ENPP6: variants seen among roughly 807,000 people sequenced by gnomAD.
ENPP6 encodes the protein glycerophosphocholine cholinephosphodiesterase ENPP6.
A neutral mutation model predicts 42.0 loss-of-function variants in ENPP6; 32 were observed. The observed-to-expected ratio is 0.76, with a 90% CI of 0.58 to 1.02. The LOEUF (loss-of-function observed/expected upper bound fraction) is 1.02, where lower values mean the gene tolerates loss of function less well. Among genes scored for constraint, ENPP6 ranks in the 50% least tolerant of loss-of-function variants. The pLI is 0.00. For missense variants in ENPP6, 552 were observed against 566.8 expected, an observed-to-expected ratio of 0.97 and a Z score of 0.27; for synonymous variants, 213 against 216.0, an observed-to-expected ratio of 0.99 and a Z score of 0.12.
At chr4:184,159,123 G>T (rs1921568) in intron 1 of ENPP6, among the ~76,000 whole-genome samples, 41,563 of 151,994 alleles carry the variant, frequency 0.27, 6,115 homozygotes, top group African/African-American at 0.32. Context: ...CATTATCTCC[G>T]ATTGTATCAT....
chr4:184,176,176 G>T (rs1737559043), intron 1 of ENPP6, among the ~76,000 whole-genome samples: 1 of 152,184 alleles, frequency 6.6e-6, no homozygotes, highest in Non-Finnish European at 1.5e-5. Flanking sequence ...AGGTCTTGTA[G>T]TTGGTAAGTG....
At chr4:184,176,819 C>T (rs1464669930) in intron 1 of ENPP6, among the ~76,000 whole-genome samples, 1 of 152,214 alleles carries the variant, frequency 6.6e-6, no homozygotes, top group African/African-American at 2.4e-5. Context: ...CCTGAAGGCG[C>T]TCATACAGAA....
intron 2 of ENPP6, among the ~76,000 whole-genome samples, chr4:184,137,628 T>G (rs1736751555): frequency 6.6e-6 from 1 of 152,244 alleles, no homozygotes; most frequent in African/African-American, 2.4e-5. Flanking sequence ...TGTCAAGGAT[T>G]AAGATGATTT....
At chr4:184,109,075 G>T (rs1736154879) in intron 6 of ENPP6, among the ~76,000 whole-genome samples, 1 of 152,186 alleles carries the variant, frequency 6.6e-6, no homozygotes. Context: ...GCTGGGCAGG[G>T]TGGTGGGCAC....
intron 5 of ENPP6, among the ~76,000 whole-genome samples, chr4:184,113,562 T>C (rs1736249424): frequency 6.6e-6 from 1 of 152,180 alleles, no homozygotes; most frequent in Non-Finnish European, 1.5e-5. Flanking sequence ...CATGCTCTAA[T>C]ATTATGTCAA....
intron 3 of ENPP6, among the ~76,000 whole-genome samples, chr4:184,123,280 C>T (rs543937027): frequency 3.3e-5 from 5 of 152,186 alleles, no homozygotes; most frequent in African/African-American, 7.2e-5. Context: ...TCATGTGGCT[C>T]GTGCTAGTGC....
chr4:184,183,342 G>A (rs1460600212), intron 1 of ENPP6, among the ~76,000 whole-genome samples: 1 of 152,192 alleles, frequency 6.6e-6, no homozygotes, highest in Non-Finnish European at 1.5e-5. Flanking sequence ...TGATGGAGTA[G>A]GTTAAACATG....
intron 1 of ENPP6, among the ~76,000 whole-genome samples, chr4:184,204,561 A>T (rs1273712347): frequency 6.6e-6 from 1 of 152,080 alleles, no homozygotes; most frequent in African/African-American, 2.4e-5. Flanking sequence ...GATCTTCACT[A>T]CAAGGAGGCT....
intron 2 of ENPP6, among the ~76,000 whole-genome samples, chr4:184,149,665 G>A (rs1018590498): frequency 2.6e-5 from 4 of 152,170 alleles, no homozygotes; most frequent in African/African-American, 9.7e-5. Context: ...AGATAACATT[G>A]CAAAATGCAT....
chr4:184,162,000 A>G (rs548269098), intron 1 of ENPP6, among the ~76,000 whole-genome samples: 1 of 152,248 alleles, frequency 6.6e-6, no homozygotes, highest in African/African-American at 2.4e-5. Context: ...TATGTAACCA[A>G]ACCCACCTGT....
intron 1 of ENPP6, among the ~76,000 whole-genome samples, chr4:184,185,363 G>A (rs111658095): frequency 2.0e-5 from 3 of 152,040 alleles, no homozygotes; most frequent in Non-Finnish European, 2.9e-5. Context: ...AACATCCCAC[G>A]GGCAACATCT....
intron 6 of ENPP6, among the ~76,000 whole-genome samples, chr4:184,107,066 C>T (rs748085743): frequency 6.6e-6 from 1 of 152,154 alleles, no homozygotes; most frequent in Non-Finnish European, 1.5e-5. Flanking sequence ...GACAACCCAA[C>T]CTGCCCCAGG....
At chr4:184,163,178 CA>C in intron 1 of ENPP6, among the ~76,000 whole-genome samples, 1 of 152,334 alleles carries the variant, frequency 6.6e-6, no homozygotes, top group East Asian at 1.9e-4. Flanking sequence ...AGAGACCACA[CA>C]AGCTGAGAGT....
chr4:184,206,957 G>A (rs1733011052), intron 1 of ENPP6, among the ~76,000 whole-genome samples: 1 of 152,210 alleles, frequency 6.6e-6, no homozygotes, highest in South Asian at 2.1e-4. Flanking sequence ...TGCAGGCTTA[G>A]GCCCTGGCCA....
rs765581348 is a variant in ENPP6, at chr4:184,153,650, T to C, written c.325A>G (p.Lys109Glu). Reference protein sequence around the residue: ...TNKSFDIGVNKDSLMPLWWNG... With the variant: ...TNKSFDIGVNEDSLMPLWWNG... ...CACCAGAGAGGCATTAGGCTGTCTT[T>C]GTTGACGCCAATGTCAAAGGACTTG... The change falls in exon 2 of 8, where the codon AAA (lysine) becomes GAA (glutamate). Residue 109 changes from lysine to glutamate, a missense_variant. This residue lies in a region of ENPP6 where 545 missense variants were observed against 546.3 expected (regional missense o/e 1.00). Coordinates refer to ENST00000296741, the MANE Select transcript of ENPP6 (RefSeq NM_153343.4). 7 of 1,614,092 alleles carry C rather than the reference T, an allele frequency of 4.3e-6. No individual in the cohort carries two copies. The East Asian group carries it at 1.3e-4, about 31-fold the overall frequency.
At chr4:184,206,413 AGG>A (rs1733001125) in intron 1 of ENPP6, among the ~76,000 whole-genome samples, 1 of 106,134 alleles carries the variant, frequency 9.4e-6, no homozygotes. Flanking sequence ...GGGCGCCACC[AGG>A]CCCGGCTAAT....
chr4:184,195,650 C>T (rs1732782951), intron 1 of ENPP6, among the ~76,000 whole-genome samples: 1 of 152,206 alleles, frequency 6.6e-6, no homozygotes, highest in Admixed American at 6.5e-5. Flanking sequence ...GTGAATTTGA[C>T]CACTCTAGGT....
chr4:184,200,090 G>A (rs1193372268), intron 1 of ENPP6, among the ~76,000 whole-genome samples: 1 of 152,208 alleles, frequency 6.6e-6, no homozygotes, highest in Non-Finnish European at 1.5e-5. Context: ...CCCTGAAACA[G>A]ACCAATAGAA....
intron 1 of ENPP6, among the ~76,000 whole-genome samples, chr4:184,162,471 C>T (rs914287097): frequency 6.6e-6 from 1 of 150,854 alleles, no homozygotes; most frequent in Non-Finnish European, 1.5e-5. Context: ...ACTTTGGAAG[C>T]CTATTTTGAA....
Sources: gnomAD v4.1 joint callset for allele counts (sites outside exome capture counted in the v4.1 genomes callset) on GRCh38, gnomAD v4.1.1 for gene constraint, gnomAD v4.1.1 regional missense constraint, MANE v1.5 for transcripts, NCBI Gene and HGNC (gene_info 2026-07-23, HGNC 2026-07-21) for gene names.